The following ZRANB3 variants were observed in gnomAD, a reference collection of about 807,000 sequenced individuals.
ZRANB3 encodes the protein zinc finger RANBP2-type containing 3, also known as DNA annealing helicase and endonuclease ZRANB3.
In ZRANB3, 125 loss-of-function variants were observed where a neutral mutation model predicts 133.8. The observed-to-expected ratio is 0.93, with a 90% confidence interval of 0.81 to 1.08. The LOEUF is 1.08. Ranked by LOEUF, ZRANB3 falls within the 50% of genes least tolerant of loss-of-function variation. The pLI, the probability that ZRANB3 is intolerant of heterozygous loss-of-function variation, is 0.00. For synonymous variants in ZRANB3, 387 were observed against 432.7 expected, an observed-to-expected ratio of 0.89 and a Z score of 1.31; for missense variants, 1,229 against 1,275.5, an observed-to-expected ratio of 0.96 and a Z score of 0.56.
At chr2:135,460,841 T>C (rs1690734014) in intron 2 of ZRANB3, among the ~76,000 whole-genome samples, 1 of 152,148 alleles carries the variant, frequency 6.6e-6, no homozygotes, top group African/African-American at 2.4e-5. Context: ...TATTTTATAA[T>C]ACATATAAAT....
At chr2:135,270,268 T>C (rs914057938) in intron 10 of ZRANB3, among the ~76,000 whole-genome samples, 3 of 152,172 alleles carry the variant, frequency 2.0e-5, no homozygotes, top group African/African-American at 7.2e-5. Context: ...AAAAACATCA[T>C]TTGATTATAC....
chr2:135,281,379 T>C (rs1681096476), intron 8 of ZRANB3, among the ~76,000 whole-genome samples: 1 of 152,144 alleles, frequency 6.6e-6, no homozygotes, highest in Non-Finnish European at 1.5e-5. Context: ...TTTAATGTCT[T>C]CTTAGTCACA....
intron 20 of ZRANB3, among the ~76,000 whole-genome samples, chr2:135,201,575 AC>A (rs1225792233): frequency 2.0e-5 from 3 of 150,076 alleles, no homozygotes; most frequent in Admixed American, 6.7e-5. Flanking sequence ...ATCAGCTTGA[AC>A]CCGGGAGGCA....
chr2:135,398,664 G>A (rs918599977), intron 2 of ZRANB3, among the ~76,000 whole-genome samples: 2 of 150,704 alleles, frequency 1.3e-5, no homozygotes, highest in East Asian at 2.0e-4. Flanking sequence ...CACTATAGGC[G>A]CCCGCCACCA....
intron 3 of ZRANB3, among the ~76,000 whole-genome samples, chr2:135,388,607 T>C (rs924181488): frequency 6.6e-6 from 1 of 152,168 alleles, no homozygotes; most frequent in South Asian, 2.1e-4. Context: ...ATATATGACA[T>C]ATATGTTCTA....
intron 6 of ZRANB3, among the ~76,000 whole-genome samples, chr2:135,324,683 T>A (rs1416264478): frequency 6.6e-6 from 1 of 152,210 alleles, no homozygotes; most frequent in East Asian, 1.9e-4. Context: ...GTTGAAACAG[T>A]TTACAGTCCC....
intron 8 of ZRANB3, among the ~76,000 whole-genome samples, chr2:135,284,241 A>T (rs920690201): frequency 4.6e-5 from 7 of 152,190 alleles, no homozygotes; most frequent in Non-Finnish European, 2.9e-5. Context: ...GGTGAAAATT[A>T]AATAAGTTAG....
intron 6 of ZRANB3, among the ~76,000 whole-genome samples, chr2:135,336,471 C>T (rs1684375747): frequency 6.6e-6 from 1 of 152,164 alleles, no homozygotes; most frequent in African/African-American, 2.4e-5. Flanking sequence ...ACTCCACAGA[C>T]TAACTTAAAA....
At chr2:135,521,633 C>T (rs1362404154) in intron 1 of ZRANB3, among the ~76,000 whole-genome samples, 1 of 152,102 alleles carries the variant, frequency 6.6e-6, no homozygotes, top group Admixed American at 6.5e-5. Context: ...CACATCCAAG[C>T]CCAGGGGAAA....
Position 135,345,758 on chromosome 2 carries a change from A to G in ZRANB3, c.592-123T>C, listed in dbSNP as rs78729218. The G allele has an allele frequency of 5.6e-3, 3,673 of 655,162 alleles. 108 individuals carry two copies. The African/African-American group carries it at 0.06, about 11-fold the overall frequency. 40.6% of individuals were successfully genotyped at this position (655,162 alleles called of 1,614,324 possible). ...AGAAAATCCAACTGTTTATTCCTCA[A>G]ATCCCCTCACTACTATTCATCAGGG... On this transcript the variant is annotated intron_variant, in intron 5 of 20. Transcript: ENST00000264159.
chr2:135,384,057 TG>T (rs1418012338), intron 3 of ZRANB3, among the ~76,000 whole-genome samples: 2 of 152,116 alleles, frequency 1.3e-5, no homozygotes, highest in Non-Finnish European at 2.9e-5. Flanking sequence ...ATCCAGGAGC[TG>T]GTTTTTTGAA....
chr2:135,290,291 C>A (rs188480985), intron 8 of ZRANB3, among the ~76,000 whole-genome samples: 1 of 152,256 alleles, frequency 6.6e-6, no homozygotes, highest in East Asian at 1.9e-4. Context: ...TAGGTGCATA[C>A]ATATTTAGGA....
intron 8 of ZRANB3, among the ~76,000 whole-genome samples, chr2:135,312,011 T>G (rs903724349): frequency 6.6e-6 from 1 of 152,084 alleles, no homozygotes; most frequent in African/African-American, 2.4e-5. Flanking sequence ...CAAAGGCACA[T>G]GGGGGAACTT....
At chr2:135,487,727 G>T (rs75443478) in intron 2 of ZRANB3, among the ~76,000 whole-genome samples, 1,550 of 152,260 alleles carry the variant, frequency 0.01, 25 homozygotes, top group African/African-American at 0.036. Context: ...AAACTGAAAA[G>T]AATTAGGGCC....
At chr2:135,460,030 G>C (rs1436068964) in intron 2 of ZRANB3, among the ~76,000 whole-genome samples, 1 of 152,084 alleles carries the variant, frequency 6.6e-6, no homozygotes, top group Non-Finnish European at 1.5e-5. Context: ...AACAGAAAGA[G>C]AAACACATCA....
chr2:135,490,907 G>C (rs1369270625), intron 2 of ZRANB3, among the ~76,000 whole-genome samples: 1 of 152,158 alleles, frequency 6.6e-6, no homozygotes, highest in African/African-American at 2.4e-5. Flanking sequence ...AATATCACAT[G>C]TTCGCACTCA....
chr2:135,448,344 T>C (rs1690122604), intron 2 of ZRANB3, among the ~76,000 whole-genome samples: 1 of 152,222 alleles, frequency 6.6e-6, no homozygotes, highest in African/African-American at 2.4e-5. Flanking sequence ...GACATTTATC[T>C]GAACAGCCGC....
At chr2:135,453,947 G>A (rs568553470) in intron 2 of ZRANB3, among the ~76,000 whole-genome samples, 13 of 152,274 alleles carry the variant, frequency 8.5e-5, no homozygotes, top group Non-Finnish European at 1.8e-4. Context: ...AGACATACCC[G>A]AAACTGGGAA....
intron 17 of ZRANB3, among the ~76,000 whole-genome samples, chr2:135,214,240 T>C (rs1694214564): frequency 6.6e-6 from 1 of 152,192 alleles, no homozygotes; most frequent in Admixed American, 6.5e-5. Context: ...TAATTTGTTA[T>C]GGCAGCGATA....
Sources: gnomAD v4.1 joint callset for allele counts (sites outside exome capture counted in the v4.1 genomes callset) on GRCh38, gnomAD v4.1.1 for gene constraint, MANE v1.5 for transcripts, NCBI Gene and HGNC (gene_info 2026-07-23, HGNC 2026-07-21) for gene names.